Variants in ZSCAN5A observed in about 807,000 individuals in gnomAD.
ZSCAN5A encodes zinc finger and SCAN domain containing 5A, also known as zinc finger and SCAN domain-containing protein 5A.
ZSCAN5A carries 12 observed loss-of-function variants against 23.7 expected under a neutral mutation model. The observed-to-expected ratio is 0.51, with a 90% CI of 0.32 to 0.82. The LOEUF (loss-of-function observed/expected upper bound fraction) is 0.82, where lower values mean the gene tolerates loss of function less well. ZSCAN5A is among the 40% of genes least tolerant of loss of function. The pLI, the probability that ZSCAN5A is intolerant of heterozygous loss-of-function variation, is 0.03. For synonymous variants in ZSCAN5A, 257 were observed against 239.9 expected, an observed-to-expected ratio of 1.07 and a Z score of -0.66; for missense variants, 597 against 617.9, an observed-to-expected ratio of 0.97 and a Z score of 0.36.
chr19:56,336,421 GT>G (rs768284847), intron 2 of ZSCAN5A, among the ~76,000 whole-genome samples: 1 of 152,122 alleles, frequency 6.6e-6, no homozygotes, highest in Non-Finnish European at 1.5e-5. Context: ...TCATGCCGTG[GT>G]TTTCAGCTCC....
intron 2 of ZSCAN5A, among the ~76,000 whole-genome samples, chr19:56,332,413 T>C (rs1163595786): frequency 3.3e-5 from 5 of 152,206 alleles, no homozygotes; most frequent in Non-Finnish European, 7.3e-5. Flanking sequence ...TTATGAAATG[T>C]TTTTCTTCAT....
chr19:56,310,097 C>G (rs1297454098), intron 2 of ZSCAN5A: 3 of 152,330 alleles, frequency 2.0e-5, no homozygotes, highest in Non-Finnish European at 4.4e-5. Context: ...AATCAATGCA[C>G]AAATACATTT....
At chr19:56,226,588 G>A (rs1483387326) in intron 2 of ZSCAN5A, among the ~76,000 whole-genome samples, 1 of 152,166 alleles carries the variant, frequency 6.6e-6, no homozygotes, top group Non-Finnish European at 1.5e-5. Flanking sequence ...GGATTTGGGG[G>A]AAAGGGGTCC....
rs1281749154 is a variant in ZSCAN5A, at chr19:56,246,271, C to T, written c.-127-21098G>A. On this transcript the variant is annotated intron_variant, in intron 2 of 5. Transcript: ENST00000683990. ...AAGGGACAGTGATGTCCATGACCCACCAGTTTAGACAGGGCAGTCATTGCT... is the reference window on the plus strand; with the variant it reads ...AAGGGACAGTGATGTCCATGACCCATCAGTTTAGACAGGGCAGTCATTGCT... The T allele has an allele frequency of 1.4e-5, 4 of 285,988 alleles. No individual in the cohort carries two copies. In the South Asian group the frequency reaches 2.5e-4, roughly 18 times the overall value. 17.7% of individuals were successfully genotyped at this position (285,988 alleles called of 1,614,324 possible). A position where few individuals can be genotyped will look rare whatever the true frequency, so the allele number is the denominator to read the frequency against.
rs576061532 is a variant in ZSCAN5A at position 56,250,319 on chromosome 19, A to G, written c.-127-25146T>C. Among the ~76,000 whole-genome samples, 339 of 152,272 alleles carry G rather than the reference A, an allele frequency of 2.2e-3. 1 individual carries two copies. Among genetic ancestry groups the G allele is most frequent in the Admixed American group, 0.013 (197 of 15,294 alleles). On this transcript the variant is annotated intron_variant, in intron 2 of 5. Transcript: ENST00000683990. ...GATACTTGGAAATCAGGTTTAAAAA[A>G]TTTTTCCAGGTAATTCTAATGTGCA...
At chr19:56,243,038 C>G (rs2035554720) in intron 2 of ZSCAN5A, among the ~76,000 whole-genome samples, 1 of 152,164 alleles carries the variant, frequency 6.6e-6, no homozygotes, top group Non-Finnish European at 1.5e-5. Context: ...CTTGGCCTCC[C>G]AAAGTGTTGG....
upstream of ZSCAN5A, chr19:56,315,988 A>G (rs1600275656): frequency 6.6e-6 from 1 of 152,094 alleles, no homozygotes; most frequent in Non-Finnish European, 1.5e-5. Flanking sequence ...TGCAGGTTGG[A>G]TGTATTGGAT....
At position 56,302,968 on chromosome 19, in the gene ZSCAN5A, A is replaced by G. The variant is rs532495568; in HGVS notation, c.-128+10315T>C. On this transcript the variant is annotated intron_variant, in intron 2 of 5. Transcript: ENST00000683990. Reference sequence around the variant, plus strand: ...AGAGAGAACCAGATCACCGAGTGGTAGCACTTCATGAGCAGGTGCTAGTGC... The same window carrying G: ...AGAGAGAACCAGATCACCGAGTGGTGGCACTTCATGAGCAGGTGCTAGTGC... 2.0e-5 allele frequency: 8 copies of G among 398,058 alleles called. No homozygotes were observed. In the South Asian group the frequency reaches 9.0e-4, roughly 45 times the overall value. The allele number at this position is 398,058 out of a possible 1,614,324, so 24.7% of individuals were successfully genotyped here.
At chr19:56,282,798 C>A (rs2038812342) in intron 2 of ZSCAN5A, among the ~76,000 whole-genome samples, 1 of 152,220 alleles carries the variant, frequency 6.6e-6, no homozygotes, top group South Asian at 2.1e-4. Context: ...GTCTACCTGA[C>A]ATCGATAATA....
intron 2 of ZSCAN5A, among the ~76,000 whole-genome samples, chr19:56,348,448 AT>A (rs1367879514): frequency 6.6e-6 from 1 of 152,226 alleles, no homozygotes; most frequent in African/African-American, 2.4e-5. Flanking sequence ...ATGTAGCAGA[AT>A]CACGGTCCTC....
chr19:56,287,497 A>C (rs73622808), intron 2 of ZSCAN5A, among the ~76,000 whole-genome samples: 4,517 of 151,788 alleles, frequency 0.03, 217 homozygotes, highest in African/African-American at 0.1. Context: ...CCATCCCCCC[A>C]AGTCCACCTA....
intron 2 of ZSCAN5A, among the ~76,000 whole-genome samples, chr19:56,362,156 TCAA>T (rs1568768278): frequency 9.7e-6 from 1 of 103,434 alleles, no homozygotes; most frequent in African/African-American, 4.2e-5. Flanking sequence ...AGACTCCGTC[TCAA>T]AAAAAAAAAA....
Position 56,288,282 on chromosome 19 carries a change from C to T in ZSCAN5A, c.-128+25001G>A, listed in dbSNP as rs113256429. ...TCAAGCCCCCGGCAGCTGCAGGCTC[C>T]ATCCAGCCCAGGAAGACGCCCACAT... On this transcript the variant is annotated intron_variant, in intron 2 of 5. Transcript: ENST00000683990. Among the ~76,000 whole-genome samples, 1,311 of 152,300 alleles carry T rather than the reference C, an allele frequency of 8.6e-3. 19 individuals are homozygous for T. Among genetic ancestry groups the T allele is most frequent in the African/African-American group, 0.03 (1,233 of 41,562 alleles).
rs752121591 is a variant in ZSCAN5A, at chr19:56,225,057, G to T, written c.-11C>A. 5 of 1,570,466 alleles carry T rather than the reference G, an allele frequency of 3.2e-6. No individual in the cohort carries two copies. Among genetic ancestry groups the T allele is most frequent in the Admixed American group, 1.8e-5 (1 of 55,194 alleles). On this transcript the variant is annotated 5_prime_UTR_variant, in exon 3 of 6. Transcript: ENST00000683990. ...GCAATTTGCAGCCATATCTAGTGGA[G>T]AATTTTTTAATCAGTCTCTGAGAAA...
At chr19:56,346,814 T>C (rs1208817134) in intron 2 of ZSCAN5A, among the ~76,000 whole-genome samples, 1 of 151,984 alleles carries the variant, frequency 6.6e-6, no homozygotes, top group Non-Finnish European at 1.5e-5. Flanking sequence ...GTTCACGCCA[T>C]TCTCCTGGGT....
intron 1 of ZSCAN5A, among the ~76,000 whole-genome samples, chr19:56,366,510 T>TAGCCTGAA (rs1380742890): frequency 6.6e-6 from 1 of 151,546 alleles, no homozygotes; most frequent in Non-Finnish European, 1.5e-5. Flanking sequence ...GTGGCTCCAG[T>TAGCCTGAA]AGCCTGAATT....
At chr19:56,222,511 G>C in intron 5 of ZSCAN5A, 80 bp downstream of exon 5, 1 of 1,569,082 alleles carries the variant, frequency 6.4e-7, no homozygotes, top group Admixed American at 1.9e-5. Flanking sequence ...ACTCCCCCAG[G>C]GGATGATAAT....
At chr19:56,246,292 T>C (rs2033488) in intron 2 of ZSCAN5A, 42,662 of 337,214 alleles carry the variant, frequency 0.13, 3,142 homozygotes, top group East Asian at 0.25. Context: ...AGGGCAGTCA[T>C]TGCTGTTGGT....
intron 2 of ZSCAN5A, among the ~76,000 whole-genome samples, chr19:56,325,389 A>G (rs1304224624): frequency 1.3e-5 from 2 of 152,132 alleles, no homozygotes; most frequent in Admixed American, 1.3e-4. Flanking sequence ...TTGGGTGGGG[A>G]CACAGCCAAA....
Sources: allele counts gnomAD v4.1 joint callset (sites outside exome capture counted in the v4.1 genomes callset), GRCh38; gene constraint gnomAD v4.1.1; transcripts MANE v1.5; gene names NCBI Gene and HGNC (gene_info 2026-07-23, HGNC 2026-07-21).